Variants in C4orf36 observed in about 807,000 individuals in gnomAD.
C4orf36 encodes chromosome 4 open reading frame 36.
C4orf36 carries 11 observed loss-of-function variants against 12.2 expected under a neutral mutation model. The observed-to-expected ratio is 0.90, with a 90% CI of 0.57 to 1.49. C4orf36 has a LOEUF of 1.49. Ranked by LOEUF, C4orf36 falls within the 40% of genes most tolerant of loss-of-function variation. The pLI, the probability that C4orf36 is intolerant of heterozygous loss-of-function variation, is 0.00. For synonymous variants in C4orf36, 54 were observed against 51.3 expected (o/e 1.05, Z -0.22); for missense variants, 137 against 133.9 (o/e 1.02, Z -0.11).
the C4orf36 span, among the ~76,000 whole-genome samples, chr4:86,907,638 G>T: frequency 1.3e-5 from 2 of 152,294 alleles, no homozygotes; most frequent in South Asian, 4.1e-4. Context: ...ATGAAAAAGA[G>T]ACAGGGCACT....
upstream of C4orf36, chr4:86,892,475 CCCACCCG>C: frequency 2.0e-6 from 2 of 985,038 alleles, no homozygotes; most frequent in Non-Finnish European, 2.4e-6. Context: ...TGGGGCCCTC[CCCACCCG>C]CCAGGGAGGG....
intron 4 of C4orf36, chr4:86,886,902 G>A (rs1660361100): frequency 6.6e-6 from 1 of 152,148 alleles, no homozygotes; most frequent in Admixed American, 6.6e-5. Flanking sequence ...AGAAAATGTG[G>A]CACAAATGCA....
At chr4:86,929,054 C>T in the C4orf36 span, among the ~76,000 whole-genome samples, 1 of 152,202 alleles carries the variant, frequency 6.6e-6, no homozygotes, top group Non-Finnish European at 1.5e-5. Flanking sequence ...TCATGTGTGC[C>T]TCTAGCCTAG....
the C4orf36 span, among the ~76,000 whole-genome samples, chr4:86,899,542 G>A: frequency 2.6e-5 from 4 of 152,206 alleles, no homozygotes; most frequent in African/African-American, 9.7e-5. Context: ...TTCAGGCAGT[G>A]CCAGGCACAG....
chr4:86,929,304 G>A, the C4orf36 span, among the ~76,000 whole-genome samples: 2 of 152,318 alleles, frequency 1.3e-5, no homozygotes, highest in Admixed American at 1.3e-4. Flanking sequence ...TCATTTTCAA[G>A]TTCCCTTGGC....
At chr4:86,910,576 GT>G in the C4orf36 span, among the ~76,000 whole-genome samples, 2 of 152,294 alleles carry the variant, frequency 1.3e-5, no homozygotes, top group East Asian at 3.9e-4. Context: ...TCTATTGGTT[GT>G]AGCAGATTAT....
chr4:86,893,203 C>A (rs972726266), upstream of C4orf36, among the ~76,000 whole-genome samples: 3 of 152,172 alleles, frequency 2.0e-5, no homozygotes, highest in African/African-American at 7.2e-5. Context: ...GTGGAGCCGA[C>A]GAATGAGTTC....
At chr4:86,935,087 C>T in the C4orf36 span, 1 of 152,168 alleles carries the variant, frequency 6.6e-6, no homozygotes, top group Non-Finnish European at 1.5e-5. Context: ...GCCGCAGCTG[C>T]ACCTTTGCCT....
the C4orf36 span, among the ~76,000 whole-genome samples, chr4:86,917,735 G>C: frequency 6.6e-6 from 1 of 152,164 alleles, no homozygotes; most frequent in Non-Finnish European, 1.5e-5. Context: ...TTGTCACTGT[G>C]AACATCTTAG....
the C4orf36 span, among the ~76,000 whole-genome samples, chr4:86,929,755 A>C: frequency 1.3e-5 from 2 of 152,238 alleles, no homozygotes; most frequent in Non-Finnish European, 2.9e-5. Context: ...TTAATACAAG[A>C]ATAAAGACAT....
the C4orf36 span, chr4:86,933,445 A>G: frequency 6.6e-6 from 1 of 152,206 alleles, no homozygotes; most frequent in African/African-American, 2.4e-5. Context: ...CAAAATTACA[A>G]TCTTCAATTC....
chr4:86,935,927 C>G, the C4orf36 span: 3 of 152,308 alleles, frequency 2.0e-5, no homozygotes, highest in Admixed American at 1.3e-4. Flanking sequence ...TCCGACGGTG[C>G]GAGCGCCGGA....
chr4:86,902,314 C>G, the C4orf36 span, among the ~76,000 whole-genome samples: 5 of 148,654 alleles, frequency 3.4e-5, no homozygotes, highest in Non-Finnish European at 7.4e-5. Context: ...CCCAGCTACT[C>G]AGAAGGCTGA....
At chr4:86,932,764 T>G in the C4orf36 span, among the ~76,000 whole-genome samples, 1 of 22,942 alleles carries the variant, frequency 4.4e-5, no homozygotes. Context: ...GGAGATTTAT[T>G]TGGGGGGGTG....
At chr4:86,931,930 G>A in the C4orf36 span, among the ~76,000 whole-genome samples, 1 of 151,872 alleles carries the variant, frequency 6.6e-6, no homozygotes, top group African/African-American at 2.4e-5. Flanking sequence ...AGCTACTCAG[G>A]AGGCTGAGGC....
At chr4:86,879,666 A>G (rs1747002099) in intron 4 of C4orf36, among the ~76,000 whole-genome samples, 1 of 152,152 alleles carries the variant, frequency 6.6e-6, no homozygotes, top group Non-Finnish European at 1.5e-5. Flanking sequence ...AAGAAAATGA[A>G]CATACCAATT....
At chr4:86,911,430 C>A in the C4orf36 span, among the ~76,000 whole-genome samples, 1 of 152,186 alleles carries the variant, frequency 6.6e-6, no homozygotes, top group African/African-American at 2.4e-5. Context: ...TATTACTAGG[C>A]TTAATTAACA....
rs77549917 is a variant in C4orf36 at position 86,878,704 on chromosome 4, G to A, written c.*3-2261C>T. 6.2e-3 allele frequency among the ~76,000 whole-genome samples: 944 copies of A among 152,228 alleles called. 9 individuals are homozygous for A. Among genetic ancestry groups the A allele is most frequent in the African/African-American group, 0.021 (885 of 41,526 alleles). On this transcript the variant is annotated intron_variant, in intron 4 of 4. Coordinates refer to ENST00000295898, the MANE Select transcript of C4orf36 (RefSeq NM_144645.4). ...TGTTTATCCAACATTCTGGTTTTTC[G>A]GGGATGCTGCTCAAGGACTGGGTTC...
upstream of C4orf36, among the ~76,000 whole-genome samples, chr4:86,893,425 A>G (rs1293553861): frequency 6.6e-6 from 1 of 152,092 alleles, no homozygotes; most frequent in Admixed American, 6.5e-5. Flanking sequence ...TGTCTCTACT[A>G]AAATGCAAAA....
Sources: gnomAD v4.1 joint callset for allele counts (sites outside exome capture counted in the v4.1 genomes callset) on GRCh38, gnomAD v4.1.1 for gene constraint, MANE v1.5 for transcripts, NCBI Gene and HGNC (gene_info 2026-07-23, HGNC 2026-07-21) for gene names.